The following HPSE2 variants were observed in gnomAD, a reference collection of about 807,000 sequenced individuals.
The protein encoded by HPSE2 is inactive heparanase-2.
Under a neutral mutation model 60.5 loss-of-function variants are expected in HPSE2, and 38 were observed. That is an observed-to-expected ratio of 0.63 (90% CI 0.48 to 0.82). The LOEUF is 0.82. Ranked by LOEUF, HPSE2 falls within the 40% of genes least tolerant of loss-of-function variation. HPSE2 has a pLI of 0.00. For synonymous variants in HPSE2, 295 were observed against 293.2 expected, an observed-to-expected ratio of 1.01 and a Z score of -0.06; for missense variants, 713 against 740.4, an observed-to-expected ratio of 0.96 and a Z score of 0.43.
chr10:98,537,219 T>C (rs1186815892), intron 9 of HPSE2, among the ~76,000 whole-genome samples: 1 of 151,690 alleles, frequency 6.6e-6, no homozygotes, highest in Non-Finnish European at 1.5e-5. Flanking sequence ...AATGGAGAGG[T>C]AGGGGAATGG....
At chr10:98,943,633 T>A (rs1305537123) in intron 3 of HPSE2, among the ~76,000 whole-genome samples, 1 of 152,116 alleles carries the variant, frequency 6.6e-6, no homozygotes, top group African/African-American at 2.4e-5. Context: ...TCTCTTTTTC[T>A]CTCTCCCCCT....
chr10:98,550,044 T>C (rs1427791375), intron 9 of HPSE2, among the ~76,000 whole-genome samples: 1 of 152,252 alleles, frequency 6.6e-6, no homozygotes, highest in Non-Finnish European at 1.5e-5. Context: ...ACTCAGCTTA[T>C]TCAAGTTTAA....
At chr10:98,882,449 T>A (rs1953050088) in intron 3 of HPSE2, among the ~76,000 whole-genome samples, 1 of 151,978 alleles carries the variant, frequency 6.6e-6, no homozygotes, top group Non-Finnish European at 1.5e-5. Flanking sequence ...ATGGCTGAAA[T>A]AGGCTAGGCT....
At chr10:98,810,077 G>A (rs1426836338) in intron 3 of HPSE2, among the ~76,000 whole-genome samples, 1 of 152,086 alleles carries the variant, frequency 6.6e-6, no homozygotes, top group Non-Finnish European at 1.5e-5. Flanking sequence ...CTCCCCTAAG[G>A]AGAATCTGCA....
chr10:98,620,613 A>G lies in HPSE2; in HGVS notation c.1194T>C (p.Ala398=), dbSNP rs111762231. ...GGTNNLSDSY[A]AGFLWLNTLG... is the part of the protein sequence containing the mutation. ...CAGGTGTTACTCACAAGAATCCTGC[A>G]GCATAGGAATCGGATAGATTGTTTG... The change falls in exon 8 of 12, where the codon GCT becomes GCC. Residue 398 remains alanine (A), a synonymous_variant. Coordinates refer to ENST00000370552, the MANE Select transcript of HPSE2 (RefSeq NM_021828.5). The G allele has an allele frequency of 8.2e-4, 1,324 of 1,613,664 alleles. 9 individuals are homozygous for G. The African/African-American group carries it at 0.016, about 19-fold the overall frequency.
chr10:98,623,249 T>A (rs1009155552), intron 7 of HPSE2, among the ~76,000 whole-genome samples: 1 of 152,174 alleles, frequency 6.6e-6, no homozygotes. Context: ...GTTCTATTTA[T>A]ATGAAATGTT....
rs1949561921 is a variant in HPSE2, at chr10:98,743,892, G to T, written c.775C>A (p.Leu259Met). The change falls in exon 4 of 12, where the codon CTG becomes ATG. Residue 259 changes from leucine (L) to methionine (M), a missense_variant. Transcript: ENST00000370552. ...ASKKYNISWE[L>M]GNEPNNYRTM... ...TAACATCCTTACTTACCATTACCCAGTTCCCAAGAAATGTTGTACTTTTTG... is the reference window on the plus strand; with the variant it reads ...TAACATCCTTACTTACCATTACCCATTTCCCAAGAAATGTTGTACTTTTTG... 3 of 1,613,468 alleles carry T rather than the reference G, an allele frequency of 1.9e-6. No individual in the cohort carries two copies. The highest frequency in any genetic ancestry group is 1.1e-5 in the South Asian group (1 of 91,078).
At chr10:98,503,604 G>A (rs961506555) in intron 9 of HPSE2, among the ~76,000 whole-genome samples, 1 of 152,138 alleles carries the variant, frequency 6.6e-6, no homozygotes, top group African/African-American at 2.4e-5. Context: ...GCAAAATCAT[G>A]GAACCAACCC....
At chr10:98,492,475 C>T (rs1159722246) in intron 9 of HPSE2, among the ~76,000 whole-genome samples, 1 of 137,130 alleles carries the variant, frequency 7.3e-6, no homozygotes, top group Non-Finnish European at 1.5e-5. Flanking sequence ...GCACTCCAGC[C>T]TGGGCAACAG....
chr10:98,987,454 T>C (rs943290670), intron 3 of HPSE2, among the ~76,000 whole-genome samples: 4 of 152,162 alleles, frequency 2.6e-5, no homozygotes, highest in East Asian at 1.9e-4. Flanking sequence ...CAACCCTTCA[T>C]GCTAAAAACT....
intron 1 of HPSE2, among the ~76,000 whole-genome samples, chr10:99,233,057 G>A (rs543733582): frequency 5.7e-4 from 87 of 152,356 alleles, no homozygotes; most frequent in African/African-American, 2.0e-3. Context: ...GAGCTTAAGT[G>A]GATTCCTACT....
At chr10:98,653,818 G>C (rs1001591350) in intron 6 of HPSE2, among the ~76,000 whole-genome samples, 3 of 151,730 alleles carry the variant, frequency 2.0e-5, no homozygotes, top group Non-Finnish European at 4.4e-5. Flanking sequence ...TCCTTTTGTA[G>C]ACTTGCATTT....
At chr10:98,586,726 GA>G (rs1481121099) in intron 9 of HPSE2, among the ~76,000 whole-genome samples, 3 of 152,174 alleles carry the variant, frequency 2.0e-5, no homozygotes, top group African/African-American at 7.2e-5. Flanking sequence ...TCAGAATAAT[GA>G]AAAGGAAATA....
At chr10:98,600,913 A>ATATATGTGTGTGTGTG (rs1381527658) in intron 9 of HPSE2, among the ~76,000 whole-genome samples, 155 of 29,590 alleles carry the variant, frequency 5.2e-3, no homozygotes, top group African/African-American at 0.011. Flanking sequence ...GTGTGTGTGT[A>ATATATGTGTGTGTGTG]TATATATATA....
At chr10:98,893,754 T>C (rs118172212) in intron 3 of HPSE2, among the ~76,000 whole-genome samples, 1,697 of 152,178 alleles carry the variant, frequency 0.011, 12 homozygotes, top group Non-Finnish European at 0.019. Flanking sequence ...TGGGAACATC[T>C]CTAACTGCCT....
At chr10:99,113,184 G>A (rs1196368780) in intron 3 of HPSE2, among the ~76,000 whole-genome samples, 1 of 152,030 alleles carries the variant, frequency 6.6e-6, no homozygotes. Context: ...TTCTTATTAA[G>A]CATTCAATAA....
At chr10:98,688,584 T>C (rs1056102180) in intron 6 of HPSE2, among the ~76,000 whole-genome samples, 1 of 150,944 alleles carries the variant, frequency 6.6e-6, no homozygotes, top group Non-Finnish European at 1.5e-5. Context: ...CAAGTGATTC[T>C]CCTGTCTCAG....
intron 3 of HPSE2, among the ~76,000 whole-genome samples, chr10:99,114,673 G>T (rs531808050): frequency 6.6e-6 from 1 of 152,208 alleles, no homozygotes; most frequent in Non-Finnish European, 1.5e-5. Context: ...CCAGCACTTT[G>T]GGGGGCTGAG....
intron 3 of HPSE2, among the ~76,000 whole-genome samples, chr10:99,129,809 C>CA (rs35488447): frequency 0.5 from 65,840 of 132,318 alleles, 17,252 homozygotes; most frequent in East Asian, 0.66. Context: ...AAATTGAAAC[C>CA]AAAAAAAAAA....
Sources: allele counts gnomAD v4.1 joint callset (sites outside exome capture counted in the v4.1 genomes callset), GRCh38; gene constraint gnomAD v4.1.1; transcripts MANE v1.5; gene names NCBI Gene and HGNC (gene_info 2026-07-23, HGNC 2026-07-21).